Variants in LNX1 observed in about 807,000 individuals in gnomAD.
LNX1 encodes E3 ubiquitin-protein ligase LNX.
LNX1 carries 54 observed loss-of-function variants against 68.4 expected under a neutral mutation model. That is an observed-to-expected ratio of 0.79 (90% CI 0.63 to 0.99). The LOEUF (loss-of-function observed/expected upper bound fraction) is 0.99, where lower values mean the gene tolerates loss of function less well. Among genes scored for constraint, LNX1 ranks in the 50% least tolerant of loss-of-function variants. The probability of loss-of-function intolerance (pLI) is 0.00; values close to 1 mark genes in which losing one functional copy is unlikely to be tolerated. For missense variants in LNX1, 906 were observed against 926.4 expected, an observed-to-expected ratio of 0.98 and a Z score of 0.29; for synonymous variants, 336 against 350.0, an observed-to-expected ratio of 0.96 and a Z score of 0.45.
At chr4:53,465,180 A>T (rs1484158241) in intron 9 of LNX1, among the ~76,000 whole-genome samples, 1 of 152,200 alleles carries the variant, frequency 6.6e-6, no homozygotes, top group Non-Finnish European at 1.5e-5. Context: ...ATAATTTGGC[A>T]AATAAACAAG....
chr4:53,610,890 T>C (rs1183501940), intron 2 of LNX1, among the ~76,000 whole-genome samples: 3 of 151,968 alleles, frequency 2.0e-5, no homozygotes, highest in Non-Finnish European at 2.9e-5. Flanking sequence ...ACTCTATACA[T>C]GTCTATAACA....
chr4:53,644,770 G>A (rs1214226063), intron 1 of LNX1, among the ~76,000 whole-genome samples: 1 of 152,204 alleles, frequency 6.6e-6, no homozygotes, highest in Non-Finnish European at 1.5e-5. Flanking sequence ...GCTGGAGGGA[G>A]CTCAGAGTAT....
intron 9 of LNX1, among the ~76,000 whole-genome samples, chr4:53,468,314 G>T (rs560595747): frequency 6.6e-6 from 1 of 152,126 alleles, no homozygotes; most frequent in Admixed American, 6.6e-5. Context: ...TCACCACCAG[G>T]CCTGCCCTAA....
chr4:53,566,316 A>G (rs1730687763), intron 2 of LNX1, among the ~76,000 whole-genome samples: 2 of 151,696 alleles, frequency 1.3e-5, no homozygotes, highest in Admixed American at 1.3e-4. Context: ...GAAACCCTAC[A>G]AGCCAGAAGA....
intron 2 of LNX1, among the ~76,000 whole-genome samples, chr4:53,550,412 C>G (rs1729420369): frequency 6.6e-6 from 1 of 152,174 alleles, no homozygotes; most frequent in Non-Finnish European, 1.5e-5. Context: ...TTCAGATGCT[C>G]AAAACACAGG....
chr4:53,548,184 C>G (rs1361285036), intron 2 of LNX1, among the ~76,000 whole-genome samples: 3 of 151,890 alleles, frequency 2.0e-5, no homozygotes, highest in African/African-American at 7.3e-5. Context: ...CCTTGGCCTG[C>G]CAAGTTTTAT....
chr4:53,500,656 G>A (rs138451862), intron 4 of LNX1, among the ~76,000 whole-genome samples: 1 of 152,224 alleles, frequency 6.6e-6, no homozygotes, highest in African/African-American at 2.4e-5. Flanking sequence ...TGTTGTAAAT[G>A]TGGGTCCTTA....
chr4:53,628,162 A>C (rs1734143249), intron 1 of LNX1, among the ~76,000 whole-genome samples: 1 of 152,184 alleles, frequency 6.6e-6, no homozygotes. Context: ...GGAAGGGTAG[A>C]GGCAGGTAAG....
In LNX1 at chr4:53,550,081, A is replaced by G. The variant is rs144600422; in HGVS notation, c.380+23542T>C. Among the ~76,000 whole-genome samples the G allele has an allele frequency of 7.5e-4, 114 of 152,362 alleles. 1 individual carries two copies. Among genetic ancestry groups the G allele is most frequent in the African/African-American group, 2.6e-3 (107 of 41,586 alleles). On this transcript the variant is annotated intron_variant, in intron 2 of 10. Coordinates refer to ENST00000263925, the MANE Select transcript of LNX1 (RefSeq NM_001126328.3). Reference sequence around the variant, plus strand: ...TGCTAATTCTCAAAGGGGGGAAAAAATAAAATCATGAAACAGGATCACAAT... The same window carrying G: ...TGCTAATTCTCAAAGGGGGGAAAAAGTAAAATCATGAAACAGGATCACAAT...
At chr4:53,600,134 A>T (rs185733921) in intron 2 of LNX1, among the ~76,000 whole-genome samples, 1 of 152,164 alleles carries the variant, frequency 6.6e-6, no homozygotes, top group African/African-American at 2.4e-5. Context: ...TGCTCAGTGG[A>T]TAGGAGCAAA....
chr4:53,475,317 CTCTACTT>C lies in LNX1; in HGVS notation c.1892+1429_1892+1435del, dbSNP rs895138986. Among the ~76,000 whole-genome samples the C allele has an allele frequency of 3.2e-3, 493 of 152,204 alleles. 3 individuals are homozygous for C. The highest frequency in any genetic ancestry group is 0.011 in the African/African-American group (463 of 41,552). ...AAAAATAAAACTTTAAAGTCATACTCTCTACTTTCACTCAGGCTCAGTTCTAAAATGT... is the reference window on the plus strand; with the variant it reads ...AAAAATAAAACTTTAAAGTCATACTCTCACTCAGGCTCAGTTCTAAAATGT... On this transcript the variant is annotated intron_variant, in intron 9 of 10. Transcript: ENST00000263925.
At chr4:53,593,554 C>T (rs1732609887), upstream of LNX1, among the ~76,000 whole-genome samples, 2 of 152,024 alleles carry the variant, frequency 1.3e-5, no homozygotes, top group African/African-American at 4.8e-5. Context: ...GAGCTAACTC[C>T]CAGGTATAGT....
At chr4:53,526,101 C>A (rs1727589797) in intron 2 of LNX1, among the ~76,000 whole-genome samples, 1 of 36,728 alleles carries the variant, frequency 2.7e-5, no homozygotes, top group Admixed American at 4.5e-4. Context: ...TGGGCACTTT[C>A]TAGAAAAGAA....
At chr4:53,503,862 G>A (rs761258146) in intron 4 of LNX1, among the ~76,000 whole-genome samples, 3 of 152,302 alleles carry the variant, frequency 2.0e-5, no homozygotes, top group Non-Finnish European at 4.4e-5. Context: ...GGCTGAGTGC[G>A]GTGGCTCACA....
chr4:53,547,467 G>T (rs1447957268), intron 2 of LNX1, among the ~76,000 whole-genome samples: 1 of 152,154 alleles, frequency 6.6e-6, no homozygotes, highest in African/African-American at 2.4e-5. Flanking sequence ...ATAGGAACTG[G>T]GGTCAGTCTG....
intron 2 of LNX1, among the ~76,000 whole-genome samples, chr4:53,609,089 A>G (rs2668516): frequency 0.74 from 111,890 of 151,994 alleles, 41,477 homozygotes; most frequent in East Asian, 0.9. Context: ...AGAATAGAGA[A>G]CCAGAAATAA....
At chr4:53,589,250 C>T (rs534531274) in intron 1 of LNX1, among the ~76,000 whole-genome samples, 1 of 152,342 alleles carries the variant, frequency 6.6e-6, no homozygotes, top group South Asian at 2.1e-4. Flanking sequence ...AAATCACAGC[C>T]AGCCAGCAAC....
intron 9 of LNX1, among the ~76,000 whole-genome samples, chr4:53,462,437 T>C (rs1335727498): frequency 1.3e-5 from 2 of 152,116 alleles, no homozygotes; most frequent in Non-Finnish European, 2.9e-5. Flanking sequence ...ACCACATTTG[T>C]AGCTGTAGTC....
At chr4:53,513,464 T>A (rs181797694) in intron 2 of LNX1, among the ~76,000 whole-genome samples, 1 of 152,112 alleles carries the variant, frequency 6.6e-6, no homozygotes, top group East Asian at 1.9e-4. Context: ...CCTAGACTCA[T>A]ATCAAACTGC....
Sources: gnomAD v4.1 joint callset for allele counts (sites outside exome capture counted in the v4.1 genomes callset) on GRCh38, gnomAD v4.1.1 for gene constraint, MANE v1.5 for transcripts, NCBI Gene and HGNC (gene_info 2026-07-23, HGNC 2026-07-21) for gene names.